Variants in TNRC18 observed in about 807,000 individuals in gnomAD.
The protein encoded by TNRC18 is trinucleotide repeat containing 18.
A neutral mutation model predicts 226.7 loss-of-function variants in TNRC18; 69 were observed. That is an observed-to-expected ratio of 0.30 (90% CI 0.25 to 0.37). The LOEUF (loss-of-function observed/expected upper bound fraction) is 0.37. Ranked by LOEUF, TNRC18 falls within the 10% of genes least tolerant of loss-of-function variation. The pLI, the probability that TNRC18 is intolerant of heterozygous loss-of-function variation, is 1.00. For synonymous variants in TNRC18, 2,449 were observed against 1,927.6 expected, an observed-to-expected ratio of 1.27 and a Z score of -7.09; for missense variants, 4,754 against 4,256.6, an observed-to-expected ratio of 1.12 and a Z score of -3.25.
In TNRC18 at chr7:5,420,324, C is replaced by T. The variant is rs1311844938; in HGVS notation, c.187+736G>A. 9 of 454,306 alleles carry T rather than the reference C, an allele frequency of 2.0e-5. No homozygotes were observed. In the Admixed American group the frequency reaches 2.1e-4, roughly 11 times the overall value. The allele number at this position is 454,306 out of a possible 1,614,324, so 28.1% of individuals were successfully genotyped here. ...TGGGCCCTGCCCGACCCGCTCTCTT[C>T]TTTCCCCCTAGGTTCGGGACCGCGA... On this transcript the variant is annotated intron_variant, in intron 2 of 29. Coordinates refer to ENST00000430969, the MANE Select transcript of TNRC18 (RefSeq NM_001080495.3).
chr7:5,391,300 G>A (rs1408114856), intron 3 of TNRC18, among the ~76,000 whole-genome samples: 1 of 151,792 alleles, frequency 6.6e-6, no homozygotes, highest in Admixed American at 6.6e-5. Flanking sequence ...AGGACGTGCT[G>A]ACTTCAACTA....
chr7:5,370,701 A>G lies in TNRC18; in HGVS notation c.3893T>C (p.Val1298Ala). ...CGGGCACTGTCCCTCCCCGGCGGGC[A>G]CGTCACAGTCTGACATTTCTAGGGT... ...QPTLEMSDCD[V>A]PAGEGQCPSL... Residue 1298 changes from valine (V) to alanine (A), a missense_variant, in exon 11 of 30, where the codon GTG (valine) becomes GCG (alanine). Transcript: ENST00000430969. The G allele has an allele frequency of 6.2e-7, 1 of 1,610,796 alleles. No individual in the cohort carries two copies. Among genetic ancestry groups the G allele is most frequent in the Non-Finnish European group, 8.5e-7 (1 of 1,179,012 alleles).
chr7:5,352,646 T>C (rs1034995175), intron 16 of TNRC18, among the ~76,000 whole-genome samples: 6 of 152,250 alleles, frequency 3.9e-5, no homozygotes, highest in Non-Finnish European at 8.8e-5. Flanking sequence ...AGCAGATCCC[T>C]TGCCCTTCTT....
chr7:5,356,724 C>T (rs1225567288), intron 16 of TNRC18, among the ~76,000 whole-genome samples, 192 bp downstream of exon 16: 3 of 151,744 alleles, frequency 2.0e-5, no homozygotes, highest in Admixed American at 6.6e-5. Context: ...CAGGCATATC[C>T]GCTTCAGGCG....
intron 5 of TNRC18, among the ~76,000 whole-genome samples, chr7:5,379,994 A>C (rs1779286719): frequency 1.3e-5 from 2 of 152,154 alleles, no homozygotes; most frequent in Non-Finnish European, 2.9e-5. Flanking sequence ...GCACAGAGAA[A>C]CTATCCTTCT....
At chr7:5,402,082 G>A (rs1781135349) in intron 2 of TNRC18, among the ~76,000 whole-genome samples, 1 of 151,836 alleles carries the variant, frequency 6.6e-6, no homozygotes, top group Non-Finnish European at 1.5e-5. Flanking sequence ...CGGAGGCTGA[G>A]GCAGGAGAAC....
intron 21 of TNRC18, among the ~76,000 whole-genome samples, chr7:5,323,049 C>T (rs1420252668): frequency 6.6e-6 from 1 of 152,230 alleles, no homozygotes; most frequent in Non-Finnish European, 1.5e-5. Flanking sequence ...GACCCCTGGC[C>T]AGCCCATCAC....
intron 9 of TNRC18, among the ~76,000 whole-genome samples, chr7:5,374,761 C>G (rs1047417898): frequency 1.3e-5 from 2 of 152,242 alleles, no homozygotes; most frequent in Admixed American, 1.3e-4. Flanking sequence ...GGGACCTCCA[C>G]CAGGACCCCG....
intron 27 of TNRC18, among the ~76,000 whole-genome samples, chr7:5,310,813 G>C (rs916136194): frequency 6.6e-6 from 1 of 152,248 alleles, no homozygotes; most frequent in Admixed American, 6.5e-5. Flanking sequence ...CACGTTGGGG[G>C]CTCCCTGCCA....
intron 5 of TNRC18, among the ~76,000 whole-genome samples, chr7:5,379,474 GC>G (rs890658819): frequency 2.0e-5 from 3 of 152,040 alleles, no homozygotes; most frequent in Admixed American, 6.5e-5. Context: ...GGTGGCCTTG[GC>G]CCCCTGAGTG....
rs772255134 is a variant in TNRC18, at chr7:5,377,409, G to A, written c.2423C>T (p.Ser808Leu). The change falls in exon 7 of 30, where the codon TCG becomes TTG. Residue 808 changes from serine to leucine, a missense_variant. Ser to Leu is a moderately radical substitution (Grantham distance 145). Transcript: ENST00000430969. The surrounding 1 kb of genome is among the most constrained non-coding windows in gnomAD (Gnocchi z 5.8). ...HLATHPWLPR[S>L]GNASMWLAGH... ...AGCGAGCCACATGGATGCGTTGCCC[G>A]AGCGGGGCAACCAGGGGTGCGTGGC... is the stretch of plus-strand genomic sequence containing the variant. 38 of 1,447,934 alleles carry A rather than the reference G, an allele frequency of 2.6e-5. No individual in the cohort carries two copies. The highest frequency in any genetic ancestry group is 3.8e-5 in the Admixed American group (2 of 53,068). 89.7% of individuals were successfully genotyped at this position (1,447,934 alleles called of 1,614,324 possible). A position where few individuals can be genotyped will look rare whatever the true frequency, so the allele number is the denominator to read the frequency against.
rs1779128967 is a variant in TNRC18 at position 5,378,039 on chromosome 7, G to A, written c.2153-15C>T. On this transcript the variant is annotated splice_polypyrimidine_tract_variant and intron_variant, in intron 5 of 29. Transcript: ENST00000430969. ...TCGGCCGTGCCCTGCAGGGGGCCAGGTGGAAGTGAGCCCCCAGCCAGCACC... is the reference window on the plus strand; with the variant it reads ...TCGGCCGTGCCCTGCAGGGGGCCAGATGGAAGTGAGCCCCCAGCCAGCACC... 1.9e-6 allele frequency: 3 copies of A among 1,601,776 alleles called. No individual in the cohort carries two copies. The highest frequency in any genetic ancestry group is 1.7e-4 in the Middle Eastern group (1 of 5,802).
At position 5,357,151 on chromosome 7, in the gene TNRC18, C is replaced by T. The variant is rs1351936190; in HGVS notation, c.4959G>A (p.Gly1653=). The T allele has an allele frequency of 3.2e-6, 5 of 1,580,864 alleles. No individual in the cohort carries two copies. The East Asian group carries it at 9.1e-5, about 29-fold the overall frequency. The change falls in exon 16 of 30, where the codon GGG becomes GGA. Residue 1653 remains glycine, a synonymous_variant. Coordinates refer to ENST00000430969, the MANE Select transcript of TNRC18 (RefSeq NM_001080495.3). The part of the protein sequence containing the change: ...KSPFKFSDSA[G]GKSKTSGGCG... ...AGCCCCCGCTAGTTTTCGATTTCCC[C>T]CCAGCACTGTCCGAAAACTTGAAGG... is the stretch of plus-strand genomic sequence containing the variant.
intron 22 of TNRC18, 35 bp downstream of exon 22, chr7:5,321,038 A>T (rs927948451): frequency 6.9e-7 from 1 of 1,454,460 alleles, no homozygotes; most frequent in South Asian, 1.2e-5. Context: ...GGTATGGGAC[A>T]CGGGGCTCTG....
chr7:5,313,220 G>C lies in TNRC18; in HGVS notation c.7671C>G (p.Ser2557=). Residue 2557 remains serine (S), a synonymous_variant, in exon 27 of 30, where the codon TCC becomes TCG. Coordinates refer to ENST00000430969, the MANE Select transcript of TNRC18 (RefSeq NM_001080495.3). ...AQAEQDGAEE[S]ESSSSSSSGS... ...CACTACTGCTGCTGCTGCTGCTCTC[G>C]GACTCTTCGGCCCCGTCCTGCTCAG... 1 of 1,548,834 alleles carries C rather than the reference G, an allele frequency of 6.5e-7. No homozygotes were observed. The highest frequency in any genetic ancestry group is 8.7e-7 in the Non-Finnish European group (1 of 1,146,834).
chr7:5,345,524 C>CACCCCCCCCCCCCCCCCCCCCCACAA, intron 18 of TNRC18, 38 bp downstream of exon 18: 1 of 182,374 alleles, frequency 5.5e-6, no homozygotes, highest in Non-Finnish European at 1.2e-5. Context: ...TCCGCCCCTC[C>CACCCCCCCCCCCCCCCCCCCCCACAA]CACCCACCCC....
intron 18 of TNRC18, among the ~76,000 whole-genome samples, chr7:5,336,151 G>A (rs1022887154): frequency 6.6e-6 from 1 of 151,126 alleles, no homozygotes; most frequent in Non-Finnish European, 1.5e-5. Flanking sequence ...AGGTTGCCAT[G>A]AGCAGAGATC....
intron 19 of TNRC18, among the ~76,000 whole-genome samples, chr7:5,330,880 G>C (rs988088438): frequency 6.6e-6 from 1 of 151,976 alleles, no homozygotes; most frequent in Non-Finnish European, 1.5e-5. Flanking sequence ...TCGTCATGTT[G>C]GCCAGGCTGG....
intron 21 of TNRC18, among the ~76,000 whole-genome samples, chr7:5,322,191 T>C (rs1051787171): frequency 3.3e-5 from 5 of 151,842 alleles, no homozygotes; most frequent in African/African-American, 4.8e-5. Context: ...GGCAAAAGAA[T>C]TGCTTGAACC....
Sources: gnomAD v4.1 joint callset for allele counts (sites outside exome capture counted in the v4.1 genomes callset) on GRCh38, gnomAD v4.1.1 for gene constraint, Gnocchi (gnomAD v3.1) non-coding constraint, MANE v1.5 for transcripts, NCBI Gene and HGNC (gene_info 2026-07-23, HGNC 2026-07-21) for gene names.